CALN1: variants seen among roughly 807,000 people sequenced by gnomAD.
The protein encoded by CALN1 is calcium-binding protein 8.
Under a neutral mutation model 30.6 loss-of-function variants are expected in CALN1, and 17 were observed. The ratio of observed to expected loss-of-function variants is 0.56; its 90% CI spans 0.38 to 0.83. The LOEUF (loss-of-function observed/expected upper bound fraction) is 0.83. Among genes scored for constraint, CALN1 ranks in the 40% least tolerant of loss-of-function variants. CALN1 has a pLI of 0.00. For missense variants in CALN1, 291 were observed against 354.9 expected (o/e 0.82, Z 1.45); for synonymous variants, 156 against 131.4 (o/e 1.19, Z -1.28).
chr7:72,251,295 A>ACTAT (rs1795539052), intron 3 of CALN1, among the ~76,000 whole-genome samples: 1 of 151,840 alleles, frequency 6.6e-6, no homozygotes, highest in Non-Finnish European at 1.5e-5. Flanking sequence ...CCTTTATTAT[A>ACTAT]CTATCTATCC....
chr7:72,097,158 G>C (rs1189505461), intron 4 of CALN1, among the ~76,000 whole-genome samples: 2 of 152,098 alleles, frequency 1.3e-5, no homozygotes, highest in Admixed American at 1.3e-4. Flanking sequence ...GGGGCCTGTC[G>C]TGGGGTGGGG....
intron 1 of CALN1, among the ~76,000 whole-genome samples, chr7:72,431,235 C>A (rs1358097285): frequency 6.6e-6 from 1 of 152,084 alleles, no homozygotes; most frequent in African/African-American, 2.4e-5. Flanking sequence ...GGGCACCAAT[C>A]TATTTTTCTC....
chr7:72,020,534 G>T (rs1800644930), intron 5 of CALN1, among the ~76,000 whole-genome samples: 1 of 152,176 alleles, frequency 6.6e-6, no homozygotes. Context: ...AGAATTGATG[G>T]ATGTTTTTGT....
chr7:72,481,468 A>AT, the CALN1 span, among the ~76,000 whole-genome samples: 3 of 151,824 alleles, frequency 2.0e-5, no homozygotes, highest in Non-Finnish European at 4.4e-5. Context: ...TATTTCGTTG[A>AT]TTTTTCATTC....
At chr7:72,198,563 T>C (rs1791198039) in intron 3 of CALN1, among the ~76,000 whole-genome samples, 1 of 151,964 alleles carries the variant, frequency 6.6e-6, no homozygotes, top group Non-Finnish European at 1.5e-5. Context: ...CTCCCTCCCT[T>C]CTCTTTCCCG....
At chr7:72,234,255 C>T (rs1794322001) in intron 3 of CALN1, among the ~76,000 whole-genome samples, 1 of 152,080 alleles carries the variant, frequency 6.6e-6, no homozygotes, top group Admixed American at 6.6e-5. Context: ...TGGATGTCAA[C>T]AAGAGAAGAC....
chr7:71,830,836 T>C lies in CALN1; in HGVS notation c.502-20344A>G, dbSNP rs186806671. Among the ~76,000 whole-genome samples, 6 of 152,320 alleles carry C rather than the reference T, an allele frequency of 3.9e-5. No individual in the cohort carries two copies. The East Asian group carries it at 9.6e-4, about 24-fold the overall frequency. Reference sequence around the variant, plus strand: ...GGTTGTTATGTGGATAGAACTCTTTTTATTCCCAAATCACACATCTTCATT... The same window carrying C: ...GGTTGTTATGTGGATAGAACTCTTTCTATTCCCAAATCACACATCTTCATT... On this transcript the variant is annotated intron_variant, in intron 5 of 6. Transcript: ENST00000395275.
At chr7:71,982,969 G>C (rs1798477286) in intron 5 of CALN1, among the ~76,000 whole-genome samples, 1 of 152,126 alleles carries the variant, frequency 6.6e-6, no homozygotes. Context: ...CAGACAACCT[G>C]GTGCAGGCCA....
chr7:72,061,184 G>C (rs1803622246), intron 4 of CALN1, among the ~76,000 whole-genome samples: 1 of 152,180 alleles, frequency 6.6e-6, no homozygotes, highest in Non-Finnish European at 1.5e-5. Context: ...AGGATTTAAA[G>C]AAGAGCCGGG....
chr7:71,819,493 C>G (rs1017023107), intron 5 of CALN1, among the ~76,000 whole-genome samples: 1 of 152,154 alleles, frequency 6.6e-6, no homozygotes, highest in Non-Finnish European at 1.5e-5. Context: ...CATGAGCCAC[C>G]GTGCCTGGCC....
intron 3 of CALN1, among the ~76,000 whole-genome samples, chr7:72,206,107 G>T (rs1272796935): frequency 6.6e-6 from 1 of 152,014 alleles, no homozygotes. Flanking sequence ...TCACCATTTT[G>T]TTTTTGTTTT....
At chr7:71,855,083 C>G (rs984815774) in intron 5 of CALN1, among the ~76,000 whole-genome samples, 2 of 152,194 alleles carry the variant, frequency 1.3e-5, no homozygotes, top group Non-Finnish European at 1.5e-5. Context: ...GTGAACACAG[C>G]TTAAACTCAA....
intron 3 of CALN1, among the ~76,000 whole-genome samples, chr7:72,186,753 T>C (rs993962250): frequency 6.6e-6 from 1 of 152,204 alleles, no homozygotes; most frequent in Admixed American, 6.5e-5. Flanking sequence ...TGTCCTTTTT[T>C]ACAGTTGTGT....
At chr7:71,865,380 TC>T (rs1395630255) in intron 5 of CALN1, among the ~76,000 whole-genome samples, 1 of 152,232 alleles carries the variant, frequency 6.6e-6, no homozygotes, top group Admixed American at 6.5e-5. Context: ...GGCATGGCCT[TC>T]CGCCATGACT....
intron 6 of CALN1, among the ~76,000 whole-genome samples, chr7:71,799,442 T>TTAGTTAG (rs1562789407): frequency 7.2e-6 from 1 of 139,170 alleles, no homozygotes; most frequent in African/African-American, 2.9e-5. Context: ...TATTTATTTA[T>TTAGTTAG]TTATTTATTT....
At chr7:72,312,607 G>T (rs895104261) in intron 2 of CALN1, among the ~76,000 whole-genome samples, 1 of 151,986 alleles carries the variant, frequency 6.6e-6, no homozygotes, top group African/African-American at 2.4e-5. Context: ...AATTCAAAAT[G>T]TAACTTTGGA....
chr7:72,365,564 G>C (rs1375045732), intron 2 of CALN1, among the ~76,000 whole-genome samples: 1 of 151,848 alleles, frequency 6.6e-6, no homozygotes, highest in East Asian at 1.9e-4. Flanking sequence ...TATGTAGCTG[G>C]GACTATAGAT....
intron 6 of CALN1, among the ~76,000 whole-genome samples, chr7:71,796,994 T>C (rs1786966661): frequency 6.6e-6 from 1 of 152,152 alleles, no homozygotes; most frequent in Non-Finnish European, 1.5e-5. Flanking sequence ...CCATTCACAC[T>C]GCTCCACTCA....
chr7:72,086,195 AT>A (rs1805472567), intron 4 of CALN1, among the ~76,000 whole-genome samples: 1 of 152,210 alleles, frequency 6.6e-6, no homozygotes, highest in African/African-American at 2.4e-5. Flanking sequence ...ACTTGTGTAC[AT>A]TAATGAACGT....
Sources: gnomAD v4.1 joint callset for allele counts (sites outside exome capture counted in the v4.1 genomes callset) on GRCh38, gnomAD v4.1.1 for gene constraint, MANE v1.5 for transcripts, NCBI Gene and HGNC (gene_info 2026-07-23, HGNC 2026-07-21) for gene names.